The following TMEM178B variants were observed in gnomAD, a reference collection of about 807,000 sequenced individuals.
TMEM178B encodes transmembrane protein 178B.
A neutral mutation model predicts 31.0 loss-of-function variants in TMEM178B; 5 were observed. That is an observed-to-expected ratio of 0.16 (90% CI 0.08 to 0.34). TMEM178B has a LOEUF of 0.34. Ranked by LOEUF, TMEM178B falls within the 10% of genes least tolerant of loss-of-function variation. TMEM178B has a pLI of 1.00. For synonymous variants in TMEM178B, 164 were observed against 164.0 expected (o/e 1.00, Z 0.00); for missense variants, 275 against 400.3 (o/e 0.69, Z 2.67).
intron 1 of TMEM178B, among the ~76,000 whole-genome samples, chr7:141,138,528 A>G (rs942254783): frequency 6.6e-6 from 1 of 151,548 alleles, no homozygotes; most frequent in Non-Finnish European, 1.5e-5. Context: ...GTGGGGGTGG[A>G]GGTGTGTGTG....
chr7:141,217,358 C>G (rs1797173682), intron 2 of TMEM178B, among the ~76,000 whole-genome samples: 1 of 152,140 alleles, frequency 6.6e-6, no homozygotes, highest in Non-Finnish European at 1.5e-5. Flanking sequence ...TGCGACAGGA[C>G]CTGGGCAGCC....
chr7:141,305,847 C>T (rs1484533621), intron 2 of TMEM178B, among the ~76,000 whole-genome samples: 1 of 152,172 alleles, frequency 6.6e-6, no homozygotes, highest in Non-Finnish European at 1.5e-5. Flanking sequence ...CATGGGTGGT[C>T]TGTCCTCCTG....
chr7:141,326,103 G>T (rs2116482377), intron 2 of TMEM178B, among the ~76,000 whole-genome samples: 1 of 152,152 alleles, frequency 6.6e-6, no homozygotes, highest in African/African-American at 2.4e-5. Flanking sequence ...AATATTTATT[G>T]TCTACCATGC....
chr7:141,464,411 AC>A (rs1802115452), intron 3 of TMEM178B, among the ~76,000 whole-genome samples: 1 of 152,040 alleles, frequency 6.6e-6, no homozygotes, highest in Admixed American at 6.5e-5. Context: ...CAGATCGGGG[AC>A]CCACCATTCA....
chr7:141,433,194 A>C (rs1801469919), intron 2 of TMEM178B, among the ~76,000 whole-genome samples: 1 of 152,230 alleles, frequency 6.6e-6, no homozygotes, highest in African/African-American at 2.4e-5. Flanking sequence ...CCAGGAGTCA[A>C]GGGAGAGAGG....
intron 2 of TMEM178B, among the ~76,000 whole-genome samples, chr7:141,249,425 C>A (rs1433581068): frequency 6.6e-6 from 1 of 152,212 alleles, no homozygotes; most frequent in Non-Finnish European, 1.5e-5. Flanking sequence ...ATGTCTTTAT[C>A]AGCAGTGTAA....
chr7:141,155,558 C>G (rs1196989674), intron 1 of TMEM178B, among the ~76,000 whole-genome samples: 1 of 152,204 alleles, frequency 6.6e-6, no homozygotes, highest in African/African-American at 2.4e-5. Context: ...CAGCAGTGCC[C>G]TCACCCTTCC....
chr7:141,482,922 C>T (rs183606145), downstream of TMEM178B, among the ~76,000 whole-genome samples: 89 of 10,212 alleles, frequency 8.7e-3, no homozygotes, highest in Middle Eastern at 0.056. Flanking sequence ...TTGCGGGGGG[C>T]GGTGGGGGGG....
At chr7:141,505,566 A>G in the TMEM178B span, among the ~76,000 whole-genome samples, 1 of 152,140 alleles carries the variant, frequency 6.6e-6, no homozygotes, top group Non-Finnish European at 1.5e-5. Flanking sequence ...TCATGAGAGT[A>G]AGTTTCTTAT....
At chr7:141,352,085 T>C (rs890540059) in intron 2 of TMEM178B, 1 of 152,442 alleles carries the variant, frequency 6.6e-6, no homozygotes, top group Admixed American at 6.5e-5. Context: ...GACCTCCTCA[T>C]GGCCTTTGTG....
intron 2 of TMEM178B, chr7:141,429,833 A>G (rs926447057): frequency 6.6e-6 from 1 of 152,258 alleles, no homozygotes; most frequent in Non-Finnish European, 1.5e-5. Flanking sequence ...GTCAATTAAA[A>G]AAGTGAAAAA....
rs1799048613 is a variant in TMEM178B at position 141,318,758 on chromosome 7, T to A, written c.496+106054T>A. Among the ~76,000 whole-genome samples, 1 of 152,200 alleles carries A rather than the reference T, an allele frequency of 6.6e-6. No homozygotes were observed. On this transcript the variant is annotated intron_variant, in intron 2 of 3. Transcript: ENST00000565468. The surrounding 1 kb of genome is among the most constrained non-coding windows in gnomAD (Gnocchi z 4.1). ...AGAGAGCAACAACAGTTCTATCACA[T>A]GTGCTAAGAATAATACTGTCGAATA...
At chr7:141,343,525 C>CTTTTTTTTTTT (rs11442055) in intron 2 of TMEM178B, among the ~76,000 whole-genome samples, 5 of 86,998 alleles carry the variant, frequency 5.7e-5, no homozygotes, top group Non-Finnish European at 8.3e-5. Context: ...ATGGGAGCAC[C>CTTTTTTTTTTT]TTTTTTTTTT....
intron 1 of TMEM178B, among the ~76,000 whole-genome samples, chr7:141,159,408 A>C (rs1348074835): frequency 2.6e-5 from 4 of 152,190 alleles, no homozygotes; most frequent in East Asian, 3.9e-4. Context: ...CCAAAAATTA[A>C]ATATAGAACT....
At chr7:141,313,431 C>T (rs868186799) in intron 2 of TMEM178B, among the ~76,000 whole-genome samples, 5 of 152,158 alleles carry the variant, frequency 3.3e-5, no homozygotes, top group Admixed American at 6.5e-5. Flanking sequence ...TGTCTCCTTT[C>T]CCTTGATAAA....
chr7:141,250,412 G>A (rs1330352298), intron 2 of TMEM178B, among the ~76,000 whole-genome samples: 1 of 152,190 alleles, frequency 6.6e-6, no homozygotes, highest in East Asian at 1.9e-4. Flanking sequence ...GATTCGAACT[G>A]GGCAGTCTGG....
the TMEM178B span, among the ~76,000 whole-genome samples, chr7:141,501,939 A>C: frequency 9.2e-5 from 14 of 152,122 alleles, no homozygotes; most frequent in East Asian, 2.7e-3. Context: ...AACTCCTTTC[A>C]CTTTCCACTC....
chr7:141,351,541 A>G (rs867834609), intron 2 of TMEM178B, among the ~76,000 whole-genome samples: 1 of 152,222 alleles, frequency 6.6e-6, no homozygotes, highest in Non-Finnish European at 1.5e-5. Flanking sequence ...ATCAGCCCAC[A>G]TTGAAGGGGT....
At chr7:141,432,617 C>T (rs1801456803) in intron 2 of TMEM178B, among the ~76,000 whole-genome samples, 1 of 152,056 alleles carries the variant, frequency 6.6e-6, no homozygotes, top group African/African-American at 2.4e-5. Context: ...TTTTTGTTCC[C>T]CACCTAGTTC....
Sources: gnomAD v4.1 joint callset for allele counts (sites outside exome capture counted in the v4.1 genomes callset) on GRCh38, gnomAD v4.1.1 for gene constraint, Gnocchi (gnomAD v3.1) non-coding constraint, MANE v1.5 for transcripts, NCBI Gene and HGNC (gene_info 2026-07-23, HGNC 2026-07-21) for gene names.